The following CADM2 variants were observed in gnomAD, a reference collection of about 807,000 sequenced individuals.
CADM2 encodes the protein immunoglobulin superfamily member 4D.
A neutral mutation model predicts 49.8 loss-of-function variants in CADM2; 12 were observed. The observed-to-expected ratio is 0.24, with a 90% CI of 0.15 to 0.39. CADM2 has a LOEUF of 0.39. Ranked by LOEUF, CADM2 falls within the 10% of genes least tolerant of loss-of-function variation. The pLI is 1.00. For synonymous variants in CADM2, 214 were observed against 175.4 expected (o/e 1.22, Z -1.74); for missense variants, 378 against 492.3 (o/e 0.77, Z 2.20).
intron 1 of CADM2, among the ~76,000 whole-genome samples, chr3:85,718,884 TA>T (rs1467924126): frequency 2.9e-3 from 116 of 39,726 alleles, no homozygotes; most frequent in African/African-American, 8.0e-3. Flanking sequence ...AATGGTATTT[TA>T]TTATTATTAT....
At chr3:85,398,179 C>G (rs1002856841) in intron 1 of CADM2, among the ~76,000 whole-genome samples, 1 of 151,880 alleles carries the variant, frequency 6.6e-6, no homozygotes, top group East Asian at 1.9e-4. Flanking sequence ...ATGACAGGCT[C>G]CAGTGTGTGA....
At chr3:85,628,699 T>G (rs2064209033) in intron 1 of CADM2, among the ~76,000 whole-genome samples, 1 of 149,414 alleles carries the variant, frequency 6.7e-6, no homozygotes, top group African/African-American at 2.4e-5. Context: ...ATAATTTGCT[T>G]GCTATAAGAT....
chr3:85,512,623 T>C (rs2106846436), intron 1 of CADM2, among the ~76,000 whole-genome samples: 1 of 152,204 alleles, frequency 6.6e-6, no homozygotes, highest in South Asian at 2.1e-4. Flanking sequence ...CAAAACTACT[T>C]TGTTAGCAAT....
chr3:85,855,597 T>TAA (rs1353882145), intron 3 of CADM2, among the ~76,000 whole-genome samples: 7 of 95,690 alleles, frequency 7.3e-5, no homozygotes, highest in African/African-American at 3.0e-4. Context: ...TATATATATA[T>TAA]AAAACATATA....
In CADM2 at chr3:85,824,779, T is replaced by G. The variant is rs1448615; in HGVS notation, c.238+22583T>G. On this transcript the variant is annotated intron_variant, in intron 3 of 9. Transcript: ENST00000383699. ...TCCTGTATGGAGCAAGGTCAGGTAC[T>G]TCATATGAGAAGCAGTAAGGATGCA... is the stretch of plus-strand genomic sequence containing the variant. 4.0e-3 allele frequency among the ~76,000 whole-genome samples: 609 copies of G among 152,172 alleles called. 3 individuals are homozygous for G. Among genetic ancestry groups the G allele is most frequent in the African/African-American group, 0.014 (578 of 41,518 alleles).
chr3:85,251,270 CTT>C, intron 1 of CADM2, among the ~76,000 whole-genome samples: 1 of 151,798 alleles, frequency 6.6e-6, no homozygotes, highest in Non-Finnish European at 1.5e-5. Context: ...CTTCTCTAAA[CTT>C]TTCATTCTTT....
At chr3:85,818,559 T>C (rs1250054638) in intron 3 of CADM2, among the ~76,000 whole-genome samples, 1 of 152,192 alleles carries the variant, frequency 6.6e-6, no homozygotes, top group Non-Finnish European at 1.5e-5. Flanking sequence ...GTAGTTCAAA[T>C]AGTGTTTTGT....
At chr3:85,755,570 T>C (rs1477028457) in intron 2 of CADM2, among the ~76,000 whole-genome samples, 2 of 152,118 alleles carry the variant, frequency 1.3e-5, no homozygotes, top group African/African-American at 2.4e-5. Context: ...AAGAAAAAAG[T>C]TTAATTGGTT....
chr3:85,196,121 A>G (rs2041338101), intron 1 of CADM2, among the ~76,000 whole-genome samples: 1 of 152,038 alleles, frequency 6.6e-6, no homozygotes, highest in Non-Finnish European at 1.5e-5. Flanking sequence ...ATTGTTGAAT[A>G]TTCAGATTGG....
intron 1 of CADM2, among the ~76,000 whole-genome samples, chr3:85,292,997 A>T (rs1356529829): frequency 1.3e-5 from 2 of 152,324 alleles, no homozygotes; most frequent in East Asian, 3.9e-4. Flanking sequence ...TAATGATTCC[A>T]GGAGCTGGTT....
At chr3:85,334,429 A>G (rs937283537) in intron 1 of CADM2, among the ~76,000 whole-genome samples, 6 of 151,588 alleles carry the variant, frequency 4.0e-5, no homozygotes, top group African/African-American at 1.4e-4. Flanking sequence ...TCGCCAGCTC[A>G]GGGGAAAGGC....
chr3:85,818,688 T>G (rs2073371864), intron 3 of CADM2, among the ~76,000 whole-genome samples: 1 of 152,076 alleles, frequency 6.6e-6, no homozygotes, highest in African/African-American at 2.4e-5. Flanking sequence ...TATAAATTCT[T>G]TAAAAGTTAG....
chr3:85,003,300 G>T (rs1406646396), intron 1 of CADM2, among the ~76,000 whole-genome samples: 1 of 152,050 alleles, frequency 6.6e-6, no homozygotes, highest in African/African-American at 2.4e-5. Context: ...ACTTCAGATT[G>T]TTACTTGTTA....
intron 1 of CADM2, among the ~76,000 whole-genome samples, chr3:85,031,124 G>C (rs2034959811): frequency 6.6e-6 from 1 of 152,158 alleles, no homozygotes; most frequent in Non-Finnish European, 1.5e-5. Flanking sequence ...ACTGTGATCT[G>C]AGGTTGATAG....
rs1008075481 is a variant in CADM2, at chr3:85,835,002, G to A, written c.238+32806G>A. Among the ~76,000 whole-genome samples, 5 of 151,606 alleles carry A rather than the reference G, an allele frequency of 3.3e-5. No homozygotes were observed. In the East Asian group the frequency reaches 9.7e-4, roughly 29 times the overall value. On this transcript the variant is annotated intron_variant, in intron 3 of 9. Coordinates refer to ENST00000383699, the MANE Select transcript of CADM2 (RefSeq NM_001167675.2). ...GCTATATGTGAGTGTGCTTGCACACGCATGTGTGTGTGAATGTTGAAATCA... is the reference window on the plus strand; with the variant it reads ...GCTATATGTGAGTGTGCTTGCACACACATGTGTGTGTGAATGTTGAAATCA...
intron 8 of CADM2, among the ~76,000 whole-genome samples, chr3:85,970,292 C>A (rs528764792): frequency 2.0e-5 from 3 of 151,532 alleles, no homozygotes; most frequent in African/African-American, 7.2e-5. Context: ...ACTTTGCTAA[C>A]TGAAATTCAA....
At chr3:85,677,556 G>A (rs1331926525) in intron 1 of CADM2, among the ~76,000 whole-genome samples, 1 of 151,966 alleles carries the variant, frequency 6.6e-6, no homozygotes, top group Admixed American at 6.6e-5. Flanking sequence ...TATATTTCTA[G>A]TTTTAAATGT....
chr3:85,818,899 A>T (rs1377560993), intron 3 of CADM2, among the ~76,000 whole-genome samples: 1 of 151,794 alleles, frequency 6.6e-6, no homozygotes, highest in Non-Finnish European at 1.5e-5. Flanking sequence ...AATAGGATAG[A>T]CGTATATGTG....
At chr3:85,402,515 G>T (rs984183401) in intron 1 of CADM2, among the ~76,000 whole-genome samples, 1 of 150,170 alleles carries the variant, frequency 6.7e-6, no homozygotes, top group African/African-American at 2.5e-5. Context: ...TTTTGTGTAG[G>T]TCGCAAAAGA....
Sources: gnomAD v4.1 joint callset for allele counts (sites outside exome capture counted in the v4.1 genomes callset) on GRCh38, gnomAD v4.1.1 for gene constraint, MANE v1.5 for transcripts, NCBI Gene and HGNC (gene_info 2026-07-23, HGNC 2026-07-21) for gene names.